Variants in L3MBTL4 observed in about 807,000 individuals in gnomAD.
The protein encoded by L3MBTL4 is L3MBTL histone methyl-lysine binding protein 4.
L3MBTL4 carries 70 observed loss-of-function variants against 84.5 expected under a neutral mutation model. That is an observed-to-expected ratio of 0.83 (90% CI 0.68 to 1.01). L3MBTL4 has a LOEUF of 1.01. L3MBTL4 is among the 50% of genes least tolerant of loss of function. The probability of loss-of-function intolerance (pLI) is 0.00; values close to 1 mark genes in which losing one functional copy is unlikely to be tolerated. For synonymous variants in L3MBTL4, 274 were observed against 259.8 expected (o/e 1.05, Z -0.52); for missense variants, 715 against 754.8 (o/e 0.95, Z 0.62).
chr18:6,330,689 G>A (rs983545299), intron 1 of L3MBTL4, among the ~76,000 whole-genome samples: 2 of 152,170 alleles, frequency 1.3e-5, no homozygotes, highest in African/African-American at 4.8e-5. Flanking sequence ...ACATCTTTGA[G>A]GGTCAAGATT....
chr18:6,018,589 G>A (rs900691051), intron 16 of L3MBTL4, among the ~76,000 whole-genome samples: 1 of 152,186 alleles, frequency 6.6e-6, no homozygotes, highest in African/African-American at 2.4e-5. Context: ...CATACTGTGT[G>A]ATTCCTTAAA....
chr18:6,020,845 C>A (rs949163488), intron 16 of L3MBTL4, among the ~76,000 whole-genome samples: 1 of 151,970 alleles, frequency 6.6e-6, no homozygotes, highest in African/African-American at 2.4e-5. Context: ...CTGGGGTGGA[C>A]GTGCTCACTA....
chr18:6,030,675 A>G, intron 16 of L3MBTL4: 2 of 958,814 alleles, frequency 2.1e-6, no homozygotes, highest in Non-Finnish European at 2.5e-6. Flanking sequence ...ATTTTTGTCA[A>G]ATAAAAAAAT....
Position 6,142,144 on chromosome 18 carries a change from T to G in L3MBTL4, c.1097-3848A>C, listed in dbSNP as rs559695842. ...GTCCTCATTTTATATAGCACCTACC[T>G]CAATTACAAAGTAAATAATTATTTG... On this transcript the variant is annotated intron_variant, in intron 13 of 18. Transcript: ENST00000317931. Among the ~76,000 whole-genome samples, 5 of 152,328 alleles carry G rather than the reference T, an allele frequency of 3.3e-5. No homozygotes were observed. The East Asian group carries it at 9.6e-4, about 29-fold the overall frequency.
chr18:6,173,334 C>T (rs2044068652), intron 12 of L3MBTL4, among the ~76,000 whole-genome samples: 1 of 152,166 alleles, frequency 6.6e-6, no homozygotes, highest in African/African-American at 2.4e-5. Flanking sequence ...CCCTTAACAT[C>T]AGCCTGGAGA....
intron 16 of L3MBTL4, among the ~76,000 whole-genome samples, chr18:6,058,743 T>A (rs1365118533): frequency 6.6e-6 from 1 of 152,120 alleles, no homozygotes; most frequent in Non-Finnish European, 1.5e-5. Context: ...TCTACACCCA[T>A]AAATAATCCG....
intron 4 of L3MBTL4, among the ~76,000 whole-genome samples, chr18:6,301,240 T>C (rs1010412270): frequency 6.6e-6 from 1 of 152,212 alleles, no homozygotes; most frequent in Non-Finnish European, 1.5e-5. Flanking sequence ...ACCATTATCA[T>C]ATTTATATGC....
At chr18:6,399,103 T>A (rs576104332) in intron 1 of L3MBTL4, among the ~76,000 whole-genome samples, 1 of 152,198 alleles carries the variant, frequency 6.6e-6, no homozygotes, top group Non-Finnish European at 1.5e-5. Context: ...TAAGGCCACA[T>A]GAAACCTCTT....
chr18:6,093,846 A>G lies in L3MBTL4; in HGVS notation c.1200-318T>C, dbSNP rs150774054. 9.1e-4 allele frequency among the ~76,000 whole-genome samples: 138 copies of G among 152,346 alleles called. 1 individual carries two copies. Among genetic ancestry groups the G allele is most frequent in the African/African-American group, 3.2e-3 (133 of 41,576 alleles). Reference sequence around the variant, plus strand: ...TGGAACAATGCAAATGTCACATAACACTTAACTCAGTTTGTATCCTCAATA... The same window carrying G: ...TGGAACAATGCAAATGTCACATAACGCTTAACTCAGTTTGTATCCTCAATA... On this transcript the variant is annotated intron_variant, in intron 14 of 18. Transcript: ENST00000317931.
chr18:6,349,981 G>A (rs75404185), intron 1 of L3MBTL4, among the ~76,000 whole-genome samples: 8,087 of 152,232 alleles, frequency 0.053, 636 homozygotes, highest in African/African-American at 0.17. Flanking sequence ...ATACATTTGT[G>A]TATGTCATAG....
chr18:6,362,875 T>C (rs1164454073), intron 1 of L3MBTL4, among the ~76,000 whole-genome samples: 2 of 152,262 alleles, frequency 1.3e-5, no homozygotes, highest in South Asian at 2.1e-4. Context: ...TACTGGGTTT[T>C]TCGGAGAGAA....
chr18:6,149,254 T>G (rs1310865752), intron 13 of L3MBTL4, among the ~76,000 whole-genome samples: 1 of 140,928 alleles, frequency 7.1e-6, no homozygotes, highest in African/African-American at 2.6e-5. Context: ...TGTGTCCATG[T>G]GTTTTCATTG....
intron 14 of L3MBTL4, among the ~76,000 whole-genome samples, chr18:6,133,901 T>C (rs1288894875): frequency 2.6e-5 from 4 of 152,134 alleles, no homozygotes; most frequent in Non-Finnish European, 5.9e-5. Context: ...TCTAGGAACA[T>C]TCAACTGGTA....
In L3MBTL4 at chr18:6,414,810, A is replaced by C. The variant is rs2144798753; in HGVS notation, c.-100T>G. 6.6e-6 allele frequency: 1 copy of C among 151,042 alleles called. No homozygotes were observed. The highest frequency in any genetic ancestry group is 2.0e-4 in the East Asian group (1 of 5,082). The allele number at this position is 151,042 out of a possible 1,614,324, so 9.4% of individuals were successfully genotyped here. A position where few individuals can be genotyped will look rare whatever the true frequency, so the allele number is the denominator to read the frequency against. On this transcript the variant is annotated 5_prime_UTR_variant, in exon 1 of 19. Transcript: ENST00000317931. This position sits in a 1 kb window ranked among gnomAD's most constrained non-coding sequence, Gnocchi z 5.4. Reference sequence around the variant, plus strand: ...GCGGCGTCCTTCTTACCCCCAGCGGAGCGGCGCCTGCCCGCAACGCCGACC... The same window carrying C: ...GCGGCGTCCTTCTTACCCCCAGCGGCGCGGCGCCTGCCCGCAACGCCGACC...
intron 14 of L3MBTL4, among the ~76,000 whole-genome samples, chr18:6,131,544 A>C (rs1041635574): frequency 2.0e-5 from 3 of 146,478 alleles, no homozygotes; most frequent in Non-Finnish European, 3.0e-5. Flanking sequence ...TTTGGAATAC[A>C]CAAGTTTTAC....
rs1483581168 is a variant in L3MBTL4 at position 6,414,730 on chromosome 18, C to T, written c.-91+71G>A. The T allele has an allele frequency of 6.6e-6, 1 of 151,874 alleles. No individual in the cohort carries two copies. The highest frequency in any genetic ancestry group is 1.5e-5 in the Non-Finnish European group (1 of 67,972). The allele number at this position is 151,874 out of a possible 1,614,324, so 9.4% of individuals were successfully genotyped here. On this transcript the variant is annotated intron_variant, in intron 1 of 18. Transcript: ENST00000317931. The surrounding 1 kb of genome is among the most constrained non-coding windows in gnomAD (Gnocchi z 5.4). ...TACCTGCCCGGGGATGGGGCCACCC[C>T]GCGCGGCGGCGGCCGTGGGCACCCA...
intron 7 of L3MBTL4, among the ~76,000 whole-genome samples, chr18:6,241,804 C>T (rs920587307): frequency 1.3e-5 from 2 of 152,082 alleles, no homozygotes; most frequent in African/African-American, 4.8e-5. Context: ...AGTCTCATCG[C>T]CCATTAAGGC....
intron 16 of L3MBTL4, among the ~76,000 whole-genome samples, chr18:6,064,243 C>T (rs1466292012): frequency 6.6e-6 from 1 of 152,034 alleles, no homozygotes; most frequent in Non-Finnish European, 1.5e-5. Flanking sequence ...CAGTACCATG[C>T]CGCTTTGATA....
In L3MBTL4 at chr18:6,104,031, A is replaced by T. The variant is rs1268318992; in HGVS notation, c.1200-10503T>A. Among the ~76,000 whole-genome samples the T allele has an allele frequency of 4.6e-5, 7 of 152,304 alleles. No individual in the cohort carries two copies. In the East Asian group the frequency reaches 1.2e-3, roughly 25 times the overall value. The stretch of plus-strand genomic sequence containing the variant: ...GGCACTGCAAAAGCATGCATTTCGG[A>T]TCTCAATTCAAAAGGTGGCCCAGCT... On this transcript the variant is annotated intron_variant, in intron 14 of 18. Transcript: ENST00000317931.
Sources: allele counts gnomAD v4.1 joint callset (sites outside exome capture counted in the v4.1 genomes callset), GRCh38; gene constraint gnomAD v4.1.1; non-coding constraint Gnocchi (gnomAD v3.1); transcripts MANE v1.5; gene names NCBI Gene and HGNC (gene_info 2026-07-23, HGNC 2026-07-21).